The following SPNS3 variants were observed in gnomAD, a reference collection of about 807,000 sequenced individuals.
The protein encoded by SPNS3 is SPNS lysolipid transporter 3, sphingosine-1-phosphate (putative).
Under a neutral mutation model 54.4 loss-of-function variants are expected in SPNS3, and 51 were observed. The ratio of observed to expected loss-of-function variants is 0.94; its 90% confidence interval spans 0.75 to 1.18. SPNS3 has a LOEUF of 1.18. Ranked by LOEUF, SPNS3 falls within the 50% of genes most tolerant of loss-of-function variation. The pLI is 0.00. For synonymous variants in SPNS3, 309 were observed against 294.7 expected (o/e 1.05, Z -0.50); for missense variants, 669 against 677.4 (o/e 0.99, Z 0.14).
intron 1 of SPNS3, 113 bp from the exon 2 acceptor site, chr17:4,439,545 C>T (rs1380452077): frequency 1.1e-6 from 1 of 869,646 alleles, no homozygotes; most frequent in Non-Finnish European, 1.8e-6. Flanking sequence ...GCTTGGGTGC[C>T]ATGCCCTGTG....
At chr17:4,447,541 C>A (rs1386626590) in intron 5 of SPNS3, among the ~76,000 whole-genome samples, 1 of 152,204 alleles carries the variant, frequency 6.6e-6, no homozygotes, top group African/African-American at 2.4e-5. Context: ...GCGCGCAGAC[C>A]ACTGTGGAGC....
At chr17:4,455,914 C>CTG (rs1439204433) in intron 8 of SPNS3, among the ~76,000 whole-genome samples, 2 of 74,204 alleles carry the variant, frequency 2.7e-5, no homozygotes, top group African/African-American at 6.6e-5. Flanking sequence ...GCACTGCCCT[C>CTG]TGTGGGGGGG....
At chr17:4,487,032 T>C (rs560469085) in intron 11 of SPNS3, among the ~76,000 whole-genome samples, 2 of 151,440 alleles carry the variant, frequency 1.3e-5, no homozygotes, top group South Asian at 4.2e-4. Flanking sequence ...ATTAGCCAGG[T>C]GCGGTGGCAC....
At chr17:4,439,902 C>T (rs3809850) in intron 2 of SPNS3, among the ~76,000 whole-genome samples, 179 bp downstream of exon 2, 8,688 of 152,208 alleles carry the variant, frequency 0.057, 309 homozygotes, top group Non-Finnish European at 0.079. Context: ...TGGGCTGGAA[C>T]AGCCATGGTA....
At chr17:4,440,910 C>T (rs890368593) in intron 2 of SPNS3, among the ~76,000 whole-genome samples, 2 of 152,068 alleles carry the variant, frequency 1.3e-5, no homozygotes, top group Non-Finnish European at 1.5e-5. Flanking sequence ...AGTGAGATAG[C>T]GGTCTCAGGG....
At position 4,453,428 on chromosome 17, in the gene SPNS3, C is replaced by T. The variant is rs564879203; in HGVS notation, c.1113+223C>T. On this transcript the variant is annotated intron_variant, in intron 8 of 11. Coordinates refer to ENST00000355530, the MANE Select transcript of SPNS3 (RefSeq NM_182538.5). ...CTTTGGGAGGTCAAGGCCGGCCTGGCCAATATGGTGAAACCCTGTCTCTAC... is the reference window on the plus strand; with the variant it reads ...CTTTGGGAGGTCAAGGCCGGCCTGGTCAATATGGTGAAACCCTGTCTCTAC... Among the ~76,000 whole-genome samples the T allele has an allele frequency of 3.3e-4, 51 of 152,272 alleles. 4 individuals are homozygous for T. In the South Asian group the frequency reaches 0.01, roughly 30 times the overall value.
At chr17:4,472,741 TC>T (rs1971887911) in intron 8 of SPNS3, among the ~76,000 whole-genome samples, 1 of 150,760 alleles carries the variant, frequency 6.6e-6, no homozygotes, top group South Asian at 2.1e-4. Flanking sequence ...ATTACTCTCT[TC>T]TACAGAATTG....
intron 8 of SPNS3, among the ~76,000 whole-genome samples, chr17:4,461,361 C>CTT (rs55928003): frequency 2.4e-4 from 8 of 33,416 alleles, no homozygotes; most frequent in East Asian, 6.2e-4. Context: ...CTTTTCTTTT[C>CTT]TTTTTTTTTT....
intron 1 of SPNS3, among the ~76,000 whole-genome samples, chr17:4,438,708 G>C (rs1378684561): frequency 2.0e-5 from 3 of 152,236 alleles, no homozygotes; most frequent in Admixed American, 2.0e-4. Flanking sequence ...GTGCATGAGC[G>C]AGGCCACTGT....
intron 8 of SPNS3, among the ~76,000 whole-genome samples, chr17:4,468,950 G>A (rs940626610): frequency 1.3e-5 from 2 of 151,840 alleles, no homozygotes; most frequent in Non-Finnish European, 2.9e-5. Context: ...ACCAGGCCCA[G>A]CTAATTTTGT....
At chr17:4,473,374 G>C (rs1481417731) in intron 8 of SPNS3, among the ~76,000 whole-genome samples, 1 of 150,882 alleles carries the variant, frequency 6.6e-6, no homozygotes, top group East Asian at 2.0e-4. Context: ...ATCCAGGAGA[G>C]GACACTGCTC....
At position 4,477,996 on chromosome 17, in the gene SPNS3, G is replaced by A. The variant is rs552399753; in HGVS notation, c.1114-576G>A. Among the ~76,000 whole-genome samples the A allele has an allele frequency of 5.2e-4, 47 of 90,184 alleles. No homozygotes were observed. The South Asian group carries it at 0.013, about 26-fold the overall frequency. 59.2% of individuals were successfully genotyped at this position (90,184 alleles called of 152,430 possible). ...TTTTTTTTTTTTTTTTTTTGAGGCG[G>A]AGTCTCACTCTGTCACCCAGGCTGG... On this transcript the variant is annotated intron_variant, in intron 8 of 11. Transcript: ENST00000355530.
rs766014246 is a variant in SPNS3 at position 4,486,427 on chromosome 17, C to T, written c.1294C>T (p.Arg432Trp). The T allele has an allele frequency of 8.1e-6, 13 of 1,607,702 alleles. No individual in the cohort carries two copies. Among genetic ancestry groups the T allele is most frequent in the African/African-American group, 2.7e-5 (2 of 74,740 alleles). ...TCCTCCGCAGATCTCTAGTGTCCTG[C>T]GGGCCAGGCGCCCTGACTCCTATCT... ...YLTGLISSVL[R>W]ARRPDSYLQR... The change falls in exon 11 of 12, where the codon CGG becomes TGG. Residue 432 changes from arginine (R) to tryptophan (W), a missense_variant. By Grantham distance (101) the Arg-to-Trp change is moderately radical (BLOSUM62 -3). Coordinates refer to ENST00000355530, the MANE Select transcript of SPNS3 (RefSeq NM_182538.5). This position sits in a 1 kb window ranked among gnomAD's most constrained non-coding sequence, Gnocchi z 5.5.
At chr17:4,460,085 G>A (rs1367436317) in intron 8 of SPNS3, among the ~76,000 whole-genome samples, 1 of 152,164 alleles carries the variant, frequency 6.6e-6, no homozygotes, top group Non-Finnish European at 1.5e-5. Flanking sequence ...CAGCAACTGT[G>A]AAGGCCCTGA....
chr17:4,477,546 AG>A (rs2144199575), intron 8 of SPNS3, among the ~76,000 whole-genome samples: 1 of 152,222 alleles, frequency 6.6e-6, no homozygotes, highest in East Asian at 1.9e-4. Context: ...GAGGGGAATG[AG>A]GATTGTCCTA....
At position 4,478,402 on chromosome 17, in the gene SPNS3, G is replaced by C. The variant is rs958802032; in HGVS notation, c.1114-170G>C. On this transcript the variant is annotated intron_variant, in intron 8 of 11. Transcript: ENST00000355530. ...CTGGCTCTGTCTACCTACCGTCAAG[G>C]CTGCTGGAACTGGAAAAATAGTTCT... Among the ~76,000 whole-genome samples the C allele has an allele frequency of 5.3e-5, 8 of 152,274 alleles. 1 individual carries two copies. The highest frequency in any genetic ancestry group is 6.8e-3 in the Middle Eastern group (2 of 294).
At chr17:4,487,757 A>G (rs1235556570) in intron 11 of SPNS3, 49 bp from the exon 12 acceptor site, 2 of 1,583,946 alleles carry the variant, frequency 1.3e-6, no homozygotes, top group Non-Finnish European at 8.7e-7. Flanking sequence ...CCTGGTCCCA[A>G]AGCACCTTCT....
rs1437777981 is a variant in SPNS3 at position 4,458,637 on chromosome 17, C to CT, written c.1113+5435dup. Among the ~76,000 whole-genome samples the CT allele has an allele frequency of 2.3e-3, 278 of 122,540 alleles. 3 individuals carry two copies. The highest frequency in any genetic ancestry group is 4.5e-3 in the Middle Eastern group (1 of 222). 80.4% of individuals were successfully genotyped at this position (122,540 alleles called of 152,430 possible). A position where few individuals can be genotyped will look rare whatever the true frequency, so the allele number is the denominator to read the frequency against. ...TCTTTCTTTCTTTCTTTCTTTCTTT[C>CT]TTTCTTTCTTTCCTTCCTTCTTTCT... On this transcript the variant is annotated intron_variant, in intron 8 of 11. Transcript: ENST00000355530.
rs1555531861 is a variant in SPNS3 at position 4,468,721 on chromosome 17, T to TTTCTTTC, written c.1114-9849_1114-9848insCTTTCTT. Among the ~76,000 whole-genome samples the TTTCTTTC allele has an allele frequency of 7.4e-5, 9 of 121,450 alleles. No individual in the cohort carries two copies. In the South Asian group the frequency reaches 1.2e-3, roughly 16 times the overall value. 79.7% of individuals were successfully genotyped at this position (121,450 alleles called of 152,430 possible). A position where few individuals can be genotyped will look rare whatever the true frequency, so the allele number is the denominator to read the frequency against. On this transcript the variant is annotated intron_variant, in intron 8 of 11. Coordinates refer to ENST00000355530, the MANE Select transcript of SPNS3 (RefSeq NM_182538.5). ...TTTTCTTTATTTCTCTCTCTCTTTC[T>TTTCTTTC]TTTCTTTCTTTCTTTCTTTCTTTCT...
Sources: gnomAD v4.1 joint callset for allele counts (sites outside exome capture counted in the v4.1 genomes callset) on GRCh38, gnomAD v4.1.1 for gene constraint, Gnocchi (gnomAD v3.1) non-coding constraint, MANE v1.5 for transcripts, NCBI Gene and HGNC (gene_info 2026-07-23, HGNC 2026-07-21) for gene names.